Variants in IKZF5 observed in about 807,000 individuals in gnomAD.
IKZF5 encodes the protein zinc finger protein Pegasus.
A neutral mutation model predicts 30.7 loss-of-function variants in IKZF5; 4 were observed. The ratio of observed to expected loss-of-function variants is 0.13; its 90% CI spans 0.06 to 0.30. The LOEUF is 0.30. IKZF5 is among the 10% of genes least tolerant of loss of function. The pLI, the probability that IKZF5 is intolerant of heterozygous loss-of-function variation, is 1.00. For missense variants in IKZF5, 348 were observed against 525.5 expected (o/e 0.66, Z 3.30); for synonymous variants, 148 against 179.6 (o/e 0.82, Z 1.41).
intron 2 of IKZF5, among the ~76,000 whole-genome samples, chr10:123,004,848 T>C (rs1849725026): frequency 6.6e-6 from 1 of 152,182 alleles, no homozygotes. Flanking sequence ...ACACAGGGTA[T>C]GACAGGTGCT....
chr10:122,998,380 G>GA (rs1448263690), intron 3 of IKZF5, 113 bp downstream of exon 3: 11 of 905,750 alleles, frequency 1.2e-5, no homozygotes, highest in African/African-American at 6.7e-5. Flanking sequence ...TATCTTTCTA[G>GA]AAAAAACAGA....
chr10:123,000,183 G>A (rs1849530343), intron 2 of IKZF5, among the ~76,000 whole-genome samples: 1 of 152,164 alleles, frequency 6.6e-6, no homozygotes, highest in South Asian at 2.1e-4. Context: ...AGAAACAGAA[G>A]GATGCCGGCA....
intron 2 of IKZF5, among the ~76,000 whole-genome samples, chr10:123,003,626 G>A (rs572996345): frequency 4.6e-5 from 7 of 152,220 alleles, no homozygotes; most frequent in African/African-American, 1.2e-4. Context: ...AGAAAATGGC[G>A]GCTATTTTTC....
intron 2 of IKZF5, among the ~76,000 whole-genome samples, chr10:123,002,786 TA>T (rs371495279): frequency 1.5e-3 from 181 of 117,060 alleles, no homozygotes; most frequent in Admixed American, 1.6e-3. Context: ...AGACTCCGTC[TA>T]AAAAAAAAAA....
rs1353691434 is a variant in IKZF5 at position 122,993,582 on chromosome 10, G to A, written c.*198C>T. 6 of 442,764 alleles carry A rather than the reference G, an allele frequency of 1.4e-5. No homozygotes were observed. The highest frequency in any genetic ancestry group is 2.4e-5 in the Non-Finnish European group (6 of 252,280). 27.4% of individuals were successfully genotyped at this position (442,764 alleles called of 1,614,324 possible). A position where few individuals can be genotyped will look rare whatever the true frequency, so the allele number is the denominator to read the frequency against. On this transcript the variant is annotated 3_prime_UTR_variant, in exon 5 of 5. Transcript: ENST00000368886. ...AAAAGAGACACCAATGTGTCTAACT[G>A]TTCTAATATATAAATGACCCTGACC...
At chr10:122,999,138 G>A (rs1849494666) in intron 2 of IKZF5, among the ~76,000 whole-genome samples, 1 of 152,194 alleles carries the variant, frequency 6.6e-6, no homozygotes, top group Non-Finnish European at 1.5e-5. Context: ...AGGCTGCAGT[G>A]AGCCGTGATT....
At chr10:122,995,889 C>G in intron 4 of IKZF5, 105 bp downstream of exon 4, 1 of 1,082,142 alleles carries the variant, frequency 9.2e-7, no homozygotes, top group Non-Finnish European at 1.3e-6. Context: ...TTACATAAAC[C>G]TTCATTTTTG....
chr10:122,998,351 A>T (rs1564737794), intron 3 of IKZF5, 142 bp downstream of exon 3: 1 of 633,418 alleles, frequency 1.6e-6, no homozygotes, highest in African/African-American at 1.8e-5. Flanking sequence ...TGTTTAAAAA[A>T]GGGGGAAAAA....
intron 2 of IKZF5, among the ~76,000 whole-genome samples, chr10:123,002,349 T>C (rs1564739733): frequency 6.6e-6 from 1 of 151,280 alleles, no homozygotes; most frequent in Non-Finnish European, 1.5e-5. Flanking sequence ...AAACCCCATC[T>C]CTACTAAAAA....
At chr10:123,004,042 T>C (rs1589722993) in intron 2 of IKZF5, among the ~76,000 whole-genome samples, 1 of 152,348 alleles carries the variant, frequency 6.6e-6, no homozygotes, top group South Asian at 2.1e-4. Context: ...TGTTACTATT[T>C]GTTTTGTGAC....
Position 122,998,631 on chromosome 10 carries a change from C to CT in IKZF5, c.-7dup. ...TCTGGTTTTTTTTCACCCATCTTTG[C>CT]TTTTTTAACATTTACAGTTTGTTAG... is the stretch of plus-strand genomic sequence containing the variant. On this transcript the variant is annotated 5_prime_UTR_variant, in exon 3 of 5. Transcript: ENST00000368886. The CT allele has an allele frequency of 6.2e-7, 1 of 1,610,606 alleles. No homozygotes were observed. The highest frequency in any genetic ancestry group is 1.1e-5 in the South Asian group (1 of 90,282).
At chr10:123,002,710 C>T (rs1344851157) in intron 2 of IKZF5, among the ~76,000 whole-genome samples, 2 of 151,128 alleles carry the variant, frequency 1.3e-5, no homozygotes, top group Admixed American at 1.3e-4. Flanking sequence ...ATTGATTGAA[C>T]CCAGGAGGTG....
chr10:123,004,415 A>G (rs1164281003), intron 2 of IKZF5, among the ~76,000 whole-genome samples: 1 of 152,078 alleles, frequency 6.6e-6, no homozygotes, highest in South Asian at 2.1e-4. Flanking sequence ...GTGACAGTGC[A>G]GTAAAAACAC....
intron 1 of IKZF5, among the ~76,000 whole-genome samples, chr10:123,008,052 C>T (rs1452461694): frequency 3.9e-5 from 6 of 152,134 alleles, no homozygotes; most frequent in African/African-American, 1.4e-4. Context: ...CTTGGCTACT[C>T]GCGCTCCACA....
Position 122,994,452 on chromosome 10 carries a change from T to A in IKZF5, c.588A>T (p.Leu196=), listed in dbSNP as rs758286144. Residue 196 remains leucine (L), a synonymous_variant, in exon 5 of 5, where the codon CTA becomes CTT. Coordinates refer to ENST00000368886, the MANE Select transcript of IKZF5 (RefSeq NM_001372123.1). The surrounding 1 kb of genome is among the most constrained non-coding windows in gnomAD (Gnocchi z 5.6). The stretch of plus-strand genomic sequence containing the variant: ...CCATGGAAGGTGGACTTAAGTTGAT[T>A]AGTGCTCTTCTGCTATAGCCCAGAT... ...TSNLGYSRRA[L]INLSPPSMVV... is the part of the protein sequence containing the mutation. 23 of 1,614,016 alleles carry A rather than the reference T, an allele frequency of 1.4e-5. No individual in the cohort carries two copies. The highest frequency in any genetic ancestry group is 1.8e-5 in the Non-Finnish European group (21 of 1,180,022).
chr10:123,001,261 C>G (rs959383359), intron 2 of IKZF5, among the ~76,000 whole-genome samples: 1 of 152,110 alleles, frequency 6.6e-6, no homozygotes, highest in Non-Finnish European at 1.5e-5. Context: ...CCACCTCGGC[C>G]TCCCAAAGGG....
At position 122,994,410 on chromosome 10, in the gene IKZF5, G is replaced by A. The variant is rs1215554091; in HGVS notation, c.630C>T (p.Asp210=). 1.2e-6 allele frequency: 2 copies of A among 1,614,020 alleles called. No homozygotes were observed. Among genetic ancestry groups the A allele is most frequent in the African/African-American group, 2.7e-5 (2 of 74,908 alleles). Residue 210 remains aspartate, a synonymous_variant, in exon 5 of 5, where the codon GAC becomes GAT. Transcript: ENST00000368886. This position sits in a 1 kb window ranked among gnomAD's most constrained non-coding sequence, Gnocchi z 5.6. ...SPPSMVVQKP[D]YLNDFTHEIP... ...TTTCGTGGGTAAAATCGTTAAGGTAGTCTGGTTTCTGAACCACCATGGAAG... is the reference window on the plus strand; with the variant it reads ...TTTCGTGGGTAAAATCGTTAAGGTAATCTGGTTTCTGAACCACCATGGAAG...
At chr10:123,000,654 T>C (rs1389915031) in intron 2 of IKZF5, among the ~76,000 whole-genome samples, 2 of 152,356 alleles carry the variant, frequency 1.3e-5, no homozygotes, top group East Asian at 1.9e-4. Context: ...AAAGTGATTA[T>C]AGCAATTTAC....
chr10:123,005,106 G>C (rs1370261042), intron 2 of IKZF5, among the ~76,000 whole-genome samples: 2 of 151,990 alleles, frequency 1.3e-5, no homozygotes, highest in Non-Finnish European at 2.9e-5. Context: ...CCAGGCAACA[G>C]AGCGAGACCT....
Sources: allele counts gnomAD v4.1 joint callset (sites outside exome capture counted in the v4.1 genomes callset), GRCh38; gene constraint gnomAD v4.1.1; non-coding constraint Gnocchi (gnomAD v3.1); transcripts MANE v1.5; gene names NCBI Gene and HGNC (gene_info 2026-07-23, HGNC 2026-07-21).